Variants in CALN1 observed in about 807,000 individuals in gnomAD.
CALN1 encodes the protein calneuron 1.
In CALN1, 17 loss-of-function variants were observed where a neutral mutation model predicts 30.6. The observed-to-expected ratio is 0.56, with a 90% CI of 0.38 to 0.83. CALN1 has a LOEUF of 0.83. CALN1 is among the 40% of genes least tolerant of loss of function. CALN1 has a pLI of 0.00. For missense variants in CALN1, 291 were observed against 354.9 expected (o/e 0.82, Z 1.45); for synonymous variants, 156 against 131.4 (o/e 1.19, Z -1.28).
At chr7:71,898,052 C>T (rs1204870669) in intron 5 of CALN1, among the ~76,000 whole-genome samples, 1 of 126,488 alleles carries the variant, frequency 7.9e-6, no homozygotes, top group Non-Finnish European at 1.6e-5. Flanking sequence ...TGTTGGCAAT[C>T]AATTGGAAAC....
chr7:71,982,501 G>A (rs943391780), intron 5 of CALN1, among the ~76,000 whole-genome samples: 5 of 152,180 alleles, frequency 3.3e-5, no homozygotes, highest in African/African-American at 1.2e-4. Context: ...GGCTGAGGCA[G>A]GAGAATCACT....
chr7:72,385,420 G>A (rs934631169), intron 2 of CALN1, among the ~76,000 whole-genome samples: 17 of 151,916 alleles, frequency 1.1e-4, no homozygotes, highest in African/African-American at 1.9e-4. Context: ...ATAAGTGAAC[G>A]GATAACAAAC....
chr7:72,222,974 T>C (rs579471), intron 3 of CALN1, among the ~76,000 whole-genome samples: 1,640 of 152,056 alleles, frequency 0.011, 28 homozygotes, highest in African/African-American at 0.038. Flanking sequence ...TGAGCTATGA[T>C]TGCACCACTG....
chr7:72,032,282 G>C (rs1465075385), intron 4 of CALN1, among the ~76,000 whole-genome samples: 1 of 150,306 alleles, frequency 6.7e-6, no homozygotes, highest in Non-Finnish European at 1.5e-5. Context: ...TCCTGACCTC[G>C]TGATCCGCCC....
chr7:71,837,279 C>T (rs2116468309), intron 5 of CALN1, among the ~76,000 whole-genome samples: 1 of 138,528 alleles, frequency 7.2e-6, no homozygotes, highest in Middle Eastern at 4.0e-3. Flanking sequence ...ACAAAGTTAG[C>T]TCTCCAGATC....
chr7:71,821,390 A>G (rs563285563), intron 5 of CALN1, among the ~76,000 whole-genome samples: 7 of 152,292 alleles, frequency 4.6e-5, no homozygotes, highest in Admixed American at 4.6e-4. Context: ...ACCGTTCCAC[A>G]TGGCTGGGGA....
At chr7:72,401,879 A>T (rs577010619) in intron 2 of CALN1, among the ~76,000 whole-genome samples, 89 of 152,130 alleles carry the variant, frequency 5.9e-4, no homozygotes, top group African/African-American at 2.0e-3. Flanking sequence ...CTCTTACTCA[A>T]TTCTTACCTC....
Position 71,810,317 on chromosome 7 carries a change from T to C in CALN1, c.658+19A>G, listed in dbSNP as rs2116193551. 6.2e-7 allele frequency: 1 copy of C among 1,611,926 alleles called. No homozygotes were observed. The highest frequency in any genetic ancestry group is 2.2e-5 in the East Asian group (1 of 44,856). ...GGCCTGTCCCGGACCGGGGAGGGGATGGCAGCAGGGGCACCTACCTCCTTC... is the reference window on the plus strand; with the variant it reads ...GGCCTGTCCCGGACCGGGGAGGGGACGGCAGCAGGGGCACCTACCTCCTTC... On this transcript the variant is annotated intron_variant, in intron 6 of 6. Transcript: ENST00000395275.
chr7:72,164,274 A>T (rs1585071665), intron 3 of CALN1, among the ~76,000 whole-genome samples: 1 of 151,636 alleles, frequency 6.6e-6, no homozygotes, highest in East Asian at 1.9e-4. Flanking sequence ...AGGCTGAAGC[A>T]GCAGAATCAC....
intron 1 of CALN1, among the ~76,000 whole-genome samples, chr7:72,409,289 T>C (rs1447729634): frequency 6.6e-6 from 1 of 151,912 alleles, no homozygotes; most frequent in Non-Finnish European, 1.5e-5. Flanking sequence ...CCACTGCACC[T>C]GGCCCAGCAT....
chr7:72,482,172 T>G, the CALN1 span, among the ~76,000 whole-genome samples: 23 of 152,182 alleles, frequency 1.5e-4, no homozygotes, highest in African/African-American at 5.5e-4. Flanking sequence ...TGAAATCTAC[T>G]TAGTCTGGTA....
chr7:72,355,715 A>T (rs982446207), intron 2 of CALN1, among the ~76,000 whole-genome samples: 2 of 152,216 alleles, frequency 1.3e-5, no homozygotes, highest in Non-Finnish European at 2.9e-5. Flanking sequence ...CATTCTTATG[A>T]AATTCTAGAA....
intron 4 of CALN1, among the ~76,000 whole-genome samples, chr7:72,067,054 G>A (rs952135795): frequency 6.6e-6 from 1 of 151,928 alleles, no homozygotes; most frequent in East Asian, 1.9e-4. Flanking sequence ...CTCCCAAAGT[G>A]CTGGGATTAC....
At chr7:72,416,836 T>TATC (rs1177434398), upstream of CALN1, among the ~76,000 whole-genome samples, 1 of 150,988 alleles carries the variant, frequency 6.6e-6, no homozygotes, top group Non-Finnish European at 1.5e-5. Flanking sequence ...TGTCAGCATC[T>TATC]ATCAGCCGAG....
At chr7:72,346,641 G>A (rs1018353682) in intron 2 of CALN1, among the ~76,000 whole-genome samples, 4 of 152,084 alleles carry the variant, frequency 2.6e-5, no homozygotes, top group Admixed American at 2.0e-4. Flanking sequence ...TCAGCCTCCC[G>A]AGTAGTTGGG....
chr7:72,074,891 C>G (rs1804631406), intron 4 of CALN1, among the ~76,000 whole-genome samples: 1 of 152,144 alleles, frequency 6.6e-6, no homozygotes, highest in African/African-American at 2.4e-5. Flanking sequence ...GATCACACTT[C>G]GAAGAAGTTA....
chr7:72,124,715 T>C (rs528466583), intron 3 of CALN1, among the ~76,000 whole-genome samples: 6 of 150,896 alleles, frequency 4.0e-5, no homozygotes, highest in African/African-American at 7.3e-5. Context: ...TGGAGGCAGA[T>C]TGACATATCA....
chr7:72,205,555 T>TATAC lies in CALN1; in HGVS notation c.244+73130_244+73131insGTAT, dbSNP rs1489760031. ...TTCTCCTGATTGCAAAAAAAAAATA[T>TATAC]ATATATATATATGTATATATATATA... On this transcript the variant is annotated intron_variant, in intron 3 of 6. Coordinates refer to ENST00000395275, the MANE Select transcript of CALN1 (RefSeq NM_031468.4). 7.8e-3 allele frequency among the ~76,000 whole-genome samples: 835 copies of TATAC among 107,740 alleles called. 112 individuals carry two copies. Among genetic ancestry groups the TATAC allele is most frequent in the East Asian group, 0.018 (37 of 2,008 alleles). 70.7% of individuals were successfully genotyped at this position (107,740 alleles called of 152,430 possible).
At position 72,166,457 on chromosome 7, in the gene CALN1, C is replaced by T. The variant is rs78775269; in HGVS notation, c.245-60163G>A. On this transcript the variant is annotated intron_variant, in intron 3 of 6. Transcript: ENST00000395275. ...CTTCCACCTCAGCCCCCTCAAAGTG[C>T]TGGGATCACAGGCATGAGCCAACAC... 1.7e-3 allele frequency among the ~76,000 whole-genome samples: 255 copies of T among 152,264 alleles called. 6 individuals are homozygous for T. The East Asian group carries it at 0.042, about 25-fold the overall frequency.
Sources: gnomAD v4.1 joint callset for allele counts (sites outside exome capture counted in the v4.1 genomes callset) on GRCh38, gnomAD v4.1.1 for gene constraint, MANE v1.5 for transcripts, NCBI Gene and HGNC (gene_info 2026-07-23, HGNC 2026-07-21) for gene names.